SLIT3: variants seen among roughly 807,000 people sequenced by gnomAD.
SLIT3 encodes the protein slit guidance ligand 3, also known as slit homolog 3 protein.
In SLIT3, 68 loss-of-function variants were observed where a neutral mutation model predicts 184.0. The ratio of observed to expected loss-of-function variants is 0.37; its 90% CI spans 0.30 to 0.45. The LOEUF is 0.45. Among genes scored for constraint, SLIT3 ranks in the 20% least tolerant of loss-of-function variants. The probability of loss-of-function intolerance (pLI) is 1.00; values close to 1 mark genes in which losing one functional copy is unlikely to be tolerated. For synonymous variants in SLIT3, 831 were observed against 828.6 expected (o/e 1.00, Z -0.05); for missense variants, 1,707 against 2,026.0 (o/e 0.84, Z 3.02).
intron 4 of SLIT3, among the ~76,000 whole-genome samples, chr5:169,033,671 ATAAT>A (rs913527776): frequency 3.9e-5 from 6 of 152,270 alleles, no homozygotes; most frequent in Middle Eastern, 3.4e-3. Flanking sequence ...GTTTTGATTA[ATAAT>A]TAATTAATGA....
At chr5:168,933,633 C>T (rs943278977) in intron 4 of SLIT3, among the ~76,000 whole-genome samples, 1 of 152,100 alleles carries the variant, frequency 6.6e-6, no homozygotes, top group African/African-American at 2.4e-5. Context: ...GAGCTGGGTA[C>T]CTTCTCCTAA....
intron 20 of SLIT3, among the ~76,000 whole-genome samples, chr5:168,724,856 A>G (rs1183099340): frequency 1.3e-5 from 2 of 152,174 alleles, no homozygotes; most frequent in Non-Finnish European, 2.9e-5. Context: ...TGTAGCAGGA[A>G]GTCACAGTTG....
At chr5:168,870,483 C>T (rs1435912010) in intron 5 of SLIT3, among the ~76,000 whole-genome samples, 1 of 152,188 alleles carries the variant, frequency 6.6e-6, no homozygotes, top group Non-Finnish European at 1.5e-5. Flanking sequence ...GACCCTCAAC[C>T]TTGGAGTTGA....
intron 3 of SLIT3, among the ~76,000 whole-genome samples, chr5:169,238,563 T>A (rs1363181768): frequency 1.4e-5 from 2 of 147,110 alleles, no homozygotes; most frequent in Non-Finnish European, 3.0e-5. Flanking sequence ...TTTTTTTTTT[T>A]AAGATTTAAG....
At chr5:169,271,956 A>C (rs891467159) in intron 1 of SLIT3, among the ~76,000 whole-genome samples, 12 of 152,226 alleles carry the variant, frequency 7.9e-5, no homozygotes, top group Non-Finnish European at 1.8e-4. Flanking sequence ...AAATGAGCAC[A>C]GTGCTGGGGA....
intron 1 of SLIT3, among the ~76,000 whole-genome samples, chr5:169,279,788 A>G (rs530795635): frequency 1.6e-4 from 24 of 152,350 alleles, no homozygotes; most frequent in African/African-American, 4.8e-4. Flanking sequence ...ATGAGCTTCC[A>G]GACATGAAGT....
At chr5:169,044,597 GA>G (rs1757563804) in intron 4 of SLIT3, among the ~76,000 whole-genome samples, 1 of 135,216 alleles carries the variant, frequency 7.4e-6, no homozygotes, top group Non-Finnish European at 1.6e-5. Flanking sequence ...TGGGGGGGGG[GA>G]TGGGGAGAAA....
intron 4 of SLIT3, among the ~76,000 whole-genome samples, chr5:169,069,573 G>T (rs1018132480): frequency 1.3e-5 from 2 of 152,156 alleles, no homozygotes; most frequent in African/African-American, 4.8e-5. Context: ...ATGCCCAGGG[G>T]TCTCTGGGAG....
At chr5:169,026,537 C>T (rs1756830813) in intron 4 of SLIT3, 1 of 152,114 alleles carries the variant, frequency 6.6e-6, no homozygotes, top group South Asian at 2.1e-4. Context: ...ATACAGACTG[C>T]TGAAGATCTA....
At chr5:169,288,835 A>G (rs1216660989) in intron 1 of SLIT3, among the ~76,000 whole-genome samples, 1 of 152,218 alleles carries the variant, frequency 6.6e-6, no homozygotes, top group Non-Finnish European at 1.5e-5. Flanking sequence ...TGTTAAATGA[A>G]AAGGAAACTG....
chr5:169,012,498 T>G (rs919675904), intron 4 of SLIT3: 1 of 152,256 alleles, frequency 6.6e-6, no homozygotes, highest in African/African-American at 2.4e-5. Context: ...CTTGTAAATG[T>G]GGAGGCTCTG....
chr5:169,237,794 C>T (rs1561758417), intron 3 of SLIT3, among the ~76,000 whole-genome samples: 1 of 151,972 alleles, frequency 6.6e-6, no homozygotes, highest in African/African-American at 2.4e-5. Flanking sequence ...TTTTAAATCT[C>T]TTTGTATATT....
At chr5:169,034,912 AGTGTGTGT>A (rs112102059) in intron 4 of SLIT3, among the ~76,000 whole-genome samples, 1,489 of 132,394 alleles carry the variant, frequency 0.011, 22 homozygotes, top group African/African-American at 0.034. Context: ...ACGCCCAGCT[AGTGTGTGT>A]GTGTGTGTGT....
intron 12 of SLIT3, among the ~76,000 whole-genome samples, chr5:168,776,425 T>C (rs1405360163): frequency 2.0e-5 from 3 of 152,224 alleles, no homozygotes; most frequent in Non-Finnish European, 4.4e-5. Flanking sequence ...TCCAAAGTGC[T>C]TTCCCAACGT....
At chr5:169,164,849 G>A (rs1762584673) in intron 4 of SLIT3, among the ~76,000 whole-genome samples, 1 of 152,208 alleles carries the variant, frequency 6.6e-6, no homozygotes, top group African/African-American at 2.4e-5. Flanking sequence ...TGCTGGGGTG[G>A]CATGCCAAGG....
intron 3 of SLIT3, among the ~76,000 whole-genome samples, chr5:169,204,728 A>C (rs1000231901): frequency 6.6e-6 from 1 of 152,152 alleles, no homozygotes; most frequent in Non-Finnish European, 1.5e-5. Flanking sequence ...GTCTCTTCTG[A>C]CCACTTCTGT....
At chr5:168,697,982 A>G (rs376838102) in intron 27 of SLIT3, among the ~76,000 whole-genome samples, 26 of 152,276 alleles carry the variant, frequency 1.7e-4, no homozygotes, top group African/African-American at 5.3e-4. Flanking sequence ...GGGTGGAAGG[A>G]GGCTGATGTC....
intron 4 of SLIT3, among the ~76,000 whole-genome samples, chr5:169,079,935 AAG>A (rs1468818494): frequency 2.1e-5 from 3 of 145,480 alleles, no homozygotes; most frequent in Admixed American, 6.9e-5. Context: ...TGGCAAAGGG[AAG>A]AGAGAGAAGA....
chr5:169,283,248 T>G (rs897499274), intron 1 of SLIT3, among the ~76,000 whole-genome samples: 10 of 152,188 alleles, frequency 6.6e-5, no homozygotes, highest in African/African-American at 1.9e-4. Flanking sequence ...TCTTATGAAC[T>G]TGAGTGAAAG....
Sources: allele counts gnomAD v4.1 joint callset (sites outside exome capture counted in the v4.1 genomes callset), GRCh38; gene constraint gnomAD v4.1.1; transcripts MANE v1.5; gene names NCBI Gene and HGNC (gene_info 2026-07-23, HGNC 2026-07-21).